The following TRPM3 variants were observed in gnomAD, a reference collection of about 807,000 sequenced individuals.
TRPM3 encodes long transient receptor potential channel 3.
In TRPM3, 77 loss-of-function variants were observed where a neutral mutation model predicts 181.2. That is an observed-to-expected ratio of 0.42 (90% CI 0.35 to 0.51). The LOEUF (loss-of-function observed/expected upper bound fraction) is 0.51. Among genes scored for constraint, TRPM3 ranks in the 20% least tolerant of loss-of-function variants. TRPM3 has a pLI of 0.01. For synonymous variants in TRPM3, 745 were observed against 796.4 expected (o/e 0.94, Z 1.09); for missense variants, 1,759 against 2,196.7 (o/e 0.80, Z 3.98).
chr9:70,829,474 T>C (rs1481710496), intron 5 of TRPM3, among the ~76,000 whole-genome samples: 1 of 152,198 alleles, frequency 6.6e-6, no homozygotes, highest in African/African-American at 2.4e-5. Context: ...TGAGGATTGA[T>C]CTCATTTAAA....
At chr9:70,868,267 G>C (rs1184433737) in intron 1 of TRPM3, among the ~76,000 whole-genome samples, 1 of 151,904 alleles carries the variant, frequency 6.6e-6, no homozygotes, top group South Asian at 2.1e-4. Flanking sequence ...GTGTAATAGG[G>C]AAGTGTTTTT....
chr9:71,388,272 A>G (rs1400330754), intron 1 of TRPM3, among the ~76,000 whole-genome samples: 2 of 152,234 alleles, frequency 1.3e-5, no homozygotes, highest in Non-Finnish European at 2.9e-5. Flanking sequence ...TAAAAAAAGT[A>G]AAATCGCTGT....
chr9:71,205,444 A>C (rs561075717), intron 1 of TRPM3, among the ~76,000 whole-genome samples: 1 of 152,180 alleles, frequency 6.6e-6, no homozygotes, highest in South Asian at 2.1e-4. Context: ...TGCTTCTTTT[A>C]CCTAGTTGGG....
intron 1 of TRPM3, among the ~76,000 whole-genome samples, chr9:71,410,732 G>A (rs2093531335): frequency 2.0e-5 from 3 of 152,286 alleles, no homozygotes; most frequent in South Asian, 4.1e-4. Flanking sequence ...AATAGAAAAA[G>A]AGGGAATCCT....
At chr9:70,787,124 A>C (rs1391723443) in intron 6 of TRPM3, among the ~76,000 whole-genome samples, 1 of 152,196 alleles carries the variant, frequency 6.6e-6, no homozygotes, top group African/African-American at 2.4e-5. Context: ...CTGTCAATAT[A>C]TTTGTCAATG....
chr9:71,407,234 T>G (rs2093453417), intron 1 of TRPM3, among the ~76,000 whole-genome samples: 1 of 152,128 alleles, frequency 6.6e-6, no homozygotes, highest in African/African-American at 2.4e-5. Flanking sequence ...GGTTGGACAG[T>G]GGGTGCAGCC....
intron 1 of TRPM3, among the ~76,000 whole-genome samples, chr9:71,022,461 G>A (rs10116649): frequency 0.043 from 6,536 of 152,244 alleles, 227 homozygotes; most frequent in African/African-American, 0.092. Context: ...TTGGGAGGCT[G>A]AGGTGGAAGG....
chr9:71,101,838 G>A (rs1341719070), intron 1 of TRPM3, among the ~76,000 whole-genome samples: 1 of 152,104 alleles, frequency 6.6e-6, no homozygotes, highest in African/African-American at 2.4e-5. Context: ...CATTTCCCCT[G>A]TGAGAAAGCT....
At chr9:71,289,988 G>A (rs989135214) in intron 1 of TRPM3, among the ~76,000 whole-genome samples, 1 of 149,138 alleles carries the variant, frequency 6.7e-6, no homozygotes, top group African/African-American at 2.5e-5. Context: ...CATTTACCCT[G>A]ATTTGATCAT....
chr9:71,049,745 A>G (rs537012253), intron 1 of TRPM3, among the ~76,000 whole-genome samples: 1 of 152,220 alleles, frequency 6.6e-6, no homozygotes, highest in African/African-American at 2.4e-5. Context: ...AGGGCAGAGG[A>G]GGTACTGAGG....
chr9:71,176,917 C>T (rs2077131620), intron 1 of TRPM3, among the ~76,000 whole-genome samples: 1 of 152,114 alleles, frequency 6.6e-6, no homozygotes, highest in Non-Finnish European at 1.5e-5. Context: ...GGATCCCCAA[C>T]CCCTGGGCCA....
chr9:71,371,221 C>A (rs919286904), intron 1 of TRPM3, among the ~76,000 whole-genome samples: 1 of 152,194 alleles, frequency 6.6e-6, no homozygotes, highest in Non-Finnish European at 1.5e-5. Context: ...GGAATCTTCA[C>A]TTTCAAATCT....
intron 9 of TRPM3, among the ~76,000 whole-genome samples, chr9:70,675,655 C>T (rs1412455220): frequency 6.6e-6 from 1 of 152,048 alleles, no homozygotes; most frequent in Admixed American, 6.6e-5. Context: ...CTTAAATACC[C>T]CAGTGATATT....
At chr9:70,565,632 TC>T (rs2050376813) in intron 22 of TRPM3, among the ~76,000 whole-genome samples, 1 of 130,944 alleles carries the variant, frequency 7.6e-6, no homozygotes, top group Admixed American at 8.7e-5. Flanking sequence ...GAGATACCAA[TC>T]AAGTGAATTG....
chr9:71,120,560 T>G (rs1587465987), intron 1 of TRPM3, among the ~76,000 whole-genome samples: 1 of 152,190 alleles, frequency 6.6e-6, no homozygotes, highest in South Asian at 2.1e-4. Flanking sequence ...ATTCAATATA[T>G]GTTTAACAAT....
chr9:71,337,765 A>C (rs1737671057), intron 1 of TRPM3, among the ~76,000 whole-genome samples: 1 of 152,174 alleles, frequency 6.6e-6, no homozygotes, highest in African/African-American at 2.4e-5. Flanking sequence ...AAAAAGGATG[A>C]GTTCATGTCC....
intron 1 of TRPM3, among the ~76,000 whole-genome samples, chr9:71,426,889 G>A (rs1040009603): frequency 2.7e-5 from 4 of 150,762 alleles, no homozygotes; most frequent in Admixed American, 2.0e-4. Context: ...CTTCAGAAAC[G>A]CCTGCTTATC....
At chr9:70,577,046 G>A (rs1381088278) in intron 22 of TRPM3, among the ~76,000 whole-genome samples, 1 of 152,084 alleles carries the variant, frequency 6.6e-6, no homozygotes, top group Non-Finnish European at 1.5e-5. Context: ...AGTCCTTGCC[G>A]CAGTGACTCT....
chr9:71,116,559 A>G (rs1007988086), intron 1 of TRPM3, among the ~76,000 whole-genome samples: 1 of 152,208 alleles, frequency 6.6e-6, no homozygotes, highest in South Asian at 2.1e-4. Flanking sequence ...GGTTATCATT[A>G]TATGGAATTA....
Sources: allele counts gnomAD v4.1 joint callset (sites outside exome capture counted in the v4.1 genomes callset), GRCh38; gene constraint gnomAD v4.1.1; transcripts MANE v1.5; gene names NCBI Gene and HGNC (gene_info 2026-07-23, HGNC 2026-07-21).